Variants in TDRD12 observed in about 807,000 individuals in gnomAD.
TDRD12 encodes putative ATP-dependent RNA helicase TDRD12.
A neutral mutation model predicts 133.5 loss-of-function variants in TDRD12; 158 were observed. The observed-to-expected ratio is 1.18, with a 90% CI of 1.04 to 1.35. The LOEUF is 1.35. Ranked by LOEUF, TDRD12 falls within the 40% of genes most tolerant of loss-of-function variation. TDRD12 has a pLI of 0.00. For missense variants in TDRD12, 1,443 were observed against 1,321.3 expected, an observed-to-expected ratio of 1.09 and a Z score of -1.43; for synonymous variants, 460 against 477.9, an observed-to-expected ratio of 0.96 and a Z score of 0.49.
chr19:32,811,423 G>A lies in TDRD12; in HGVS notation c.3048+3G>A, dbSNP rs913685363. The A allele has an allele frequency of 1.3e-6, 2 of 1,535,792 alleles. No individual in the cohort carries two copies. Among genetic ancestry groups the A allele is most frequent in the Admixed American group, 2.0e-5 (1 of 50,992 alleles). On this transcript the variant is annotated splice_donor_region_variant and intron_variant, in intron 24 of 27. Transcript: ENST00000444215. Reference sequence around the variant, plus strand: ...ACGAAATAGAATGGAATCCGAAGGTGGGTGATTTTGGCTTTTTATCTATTG... The same window carrying A: ...ACGAAATAGAATGGAATCCGAAGGTAGGTGATTTTGGCTTTTTATCTATTG...
rs1255369275 is a variant in TDRD12 at position 32,810,222 on chromosome 19, GA to G, written c.2786del (p.Lys929ArgfsTer10). On this transcript the variant is annotated frameshift_variant, in exon 23 of 28. Transcript: ENST00000444215. LOFTEE classifies it high-confidence loss of function. ...TAAGGATTCTAATAAAACAACTGTGGAAAAGGTGGAGAAGTTTGGATTGTAT... is the reference window on the plus strand; with the variant it reads ...TAAGGATTCTAATAAAACAACTGTGGAAAGGTGGAGAAGTTTGGATTGTAT... 2 of 1,535,258 alleles carry G rather than the reference GA, an allele frequency of 1.3e-6. No individual in the cohort carries two copies. Among genetic ancestry groups the G allele is most frequent in the Non-Finnish European group, 1.7e-6 (2 of 1,146,464 alleles).
chr19:32,744,502 A>AT (rs1346659407), intron 4 of TDRD12, among the ~76,000 whole-genome samples: 27 of 138,144 alleles, frequency 2.0e-4, no homozygotes, highest in African/African-American at 7.3e-4. Flanking sequence ...TCCGTCTCAA[A>AT]AAAAAAAAAA....
chr19:32,797,771 G>A, exon 15 of TDRD12: 2 of 700,784 alleles, frequency 2.9e-6, no homozygotes, highest in East Asian at 2.7e-5. Context: ...GTGGAAGAAG[G>A]CCCAATTTAT....
intron 27 of TDRD12, 81 bp downstream of exon 27, chr19:32,818,238 A>C: frequency 1.6e-6 from 1 of 633,530 alleles, no homozygotes; most frequent in Non-Finnish European, 2.8e-6. Context: ...GCATGGGGAC[A>C]CCTGGGAGGA....
intron 8 of TDRD12, among the ~76,000 whole-genome samples, chr19:32,758,214 C>G (rs1205216951): frequency 6.6e-6 from 1 of 152,198 alleles, no homozygotes; most frequent in East Asian, 1.9e-4. Context: ...TGGAATAGCT[C>G]TCAGTGTAAC....
chr19:32,754,569 C>A (rs1009830200), intron 6 of TDRD12, among the ~76,000 whole-genome samples: 1 of 144,176 alleles, frequency 6.9e-6, no homozygotes, highest in Non-Finnish European at 1.5e-5. Context: ...TGTAAAATAT[C>A]TTTTTTTCAA....
At chr19:32,771,540 T>C (rs2145596475) in intron 8 of TDRD12, among the ~76,000 whole-genome samples, 1 of 152,304 alleles carries the variant, frequency 6.6e-6, no homozygotes, top group Non-Finnish European at 1.5e-5. Context: ...TTCAGACAGA[T>C]GTTTTATCTT....
rs878903631 is a variant in TDRD12 at position 32,749,767 on chromosome 19, T to C, written c.497-17T>C. ...TTTTAACATCAGCTGATTTGTGTTT[T>C]CATTTATGCTATTTAGCAACTACCC... On this transcript the variant is annotated splice_polypyrimidine_tract_variant and intron_variant, in intron 5 of 27. Transcript: ENST00000444215. 6.6e-7 allele frequency: 1 copy of C among 1,520,232 alleles called. No homozygotes were observed. The highest frequency in any genetic ancestry group is 1.7e-4 in the Middle Eastern group (1 of 5,894). The allele number at this position is 1,520,232 out of a possible 1,614,324, so 94.2% of individuals were successfully genotyped here.
At chr19:32,806,487 C>T (rs1000949221) in intron 21 of TDRD12, among the ~76,000 whole-genome samples, 4 of 151,044 alleles carry the variant, frequency 2.6e-5, no homozygotes. Flanking sequence ...GGATCACAGG[C>T]GTGAACCACC....
chr19:32,730,553 T>G (rs1969018817), intron 1 of TDRD12, among the ~76,000 whole-genome samples: 1 of 152,348 alleles, frequency 6.6e-6, no homozygotes, highest in East Asian at 1.9e-4. Context: ...GAATAACTAC[T>G]GTTCTTTTTT....
downstream of TDRD12, among the ~76,000 whole-genome samples, chr19:32,821,437 G>A (rs1263236797): frequency 6.6e-6 from 1 of 151,390 alleles, no homozygotes; most frequent in Non-Finnish European, 1.5e-5. Flanking sequence ...ACATCGAGCT[G>A]TTGAACATTT....
chr19:32,765,215 C>T (rs2145576540), intron 8 of TDRD12, among the ~76,000 whole-genome samples: 1 of 152,274 alleles, frequency 6.6e-6, no homozygotes, highest in Non-Finnish European at 1.5e-5. Flanking sequence ...GTTAGAATGG[C>T]AGTCATTAAA....
chr19:32,729,345 G>C lies in TDRD12; in HGVS notation c.25-2380G>C, dbSNP rs1049718166. ...CCATTCTCCTGCCTCAGCCTCCCGA[G>C]TAGCTGGGACTACGGGTATCTGCCA... On this transcript the variant is annotated intron_variant, in intron 1 of 27. Coordinates refer to ENST00000444215, the Ensembl canonical transcript of TDRD12. Among the ~76,000 whole-genome samples, 3 of 150,486 alleles carry C rather than the reference G, an allele frequency of 2.0e-5. No individual in the cohort carries two copies. In the Admixed American group the frequency reaches 2.0e-4, roughly 10 times the overall value.
chr19:32,814,027 A>G (rs940524414), intron 25 of TDRD12, among the ~76,000 whole-genome samples: 1 of 152,212 alleles, frequency 6.6e-6, no homozygotes, highest in Non-Finnish European at 1.5e-5. Context: ...ACACGCACGC[A>G]CACACATGCA....
intron 11 of TDRD12, among the ~76,000 whole-genome samples, chr19:32,787,671 G>C (rs576611497): frequency 1.3e-5 from 2 of 152,300 alleles, no homozygotes; most frequent in South Asian, 2.1e-4. Flanking sequence ...CCCACACCAA[G>C]CTCCCGCATC....
chr19:32,765,758 A>G, intron 8 of TDRD12, among the ~76,000 whole-genome samples: 1 of 150,140 alleles, frequency 6.7e-6, no homozygotes, highest in East Asian at 2.0e-4. Context: ...GGTCGGGGGG[A>G]GGGATAACAT....
chr19:32,767,337 C>T (rs1970329111), intron 8 of TDRD12, among the ~76,000 whole-genome samples: 1 of 151,808 alleles, frequency 6.6e-6, no homozygotes, highest in Non-Finnish European at 1.5e-5. Flanking sequence ...TCATGTTGGT[C>T]AGGCTGGTCT....
chr19:32,722,162 G>A (rs1470799906), intron 1 of TDRD12, among the ~76,000 whole-genome samples: 1 of 152,156 alleles, frequency 6.6e-6, no homozygotes, highest in Non-Finnish European at 1.5e-5. Context: ...CACCAGGCGA[G>A]CTCCTCTCCT....
chr19:32,827,326 A>G (rs1301082241), exon 10 of TDRD12: 2 of 988,814 alleles, frequency 2.0e-6, no homozygotes, highest in Non-Finnish European at 2.6e-6. Flanking sequence ...TGTGACCGAC[A>G]GTTAAGAAAA....
Sources: gnomAD v4.1 joint callset for allele counts (sites outside exome capture counted in the v4.1 genomes callset) on GRCh38, gnomAD v4.1.1 for gene constraint, MANE v1.5 for transcripts, NCBI Gene and HGNC (gene_info 2026-07-23, HGNC 2026-07-21) for gene names.